C17orf113: variants seen among roughly 807,000 people sequenced by gnomAD.
C17orf113 encodes the protein chromosome 17 open reading frame 113.
A neutral mutation model predicts 11.6 loss-of-function variants in C17orf113; 5 were observed. The ratio of observed to expected loss-of-function variants is 0.43; its 90% CI spans 0.23 to 0.91. The LOEUF (loss-of-function observed/expected upper bound fraction) is 0.91, where lower values mean the gene tolerates loss of function less well. Ranked by LOEUF, C17orf113 falls within the 40% of genes least tolerant of loss-of-function variation. The pLI, the probability that C17orf113 is intolerant of heterozygous loss-of-function variation, is 0.26. For missense variants in C17orf113, 714 were observed against 841.3 expected (o/e 0.85, Z 1.87); for synonymous variants, 327 against 390.6 (o/e 0.84, Z 1.92).
rs1360854158 is a variant in C17orf113 at position 42,040,163 on chromosome 17, G to A, written c.1570C>T (p.Arg524Ter). 1.6e-6 allele frequency: 2 copies of A among 1,231,556 alleles called. No homozygotes were observed. The highest frequency in any genetic ancestry group is 1.5e-5 in the African/African-American group (1 of 64,536). The allele number at this position is 1,231,556 out of a possible 1,614,324, so 76.3% of individuals were successfully genotyped here. ...VAAFAAIFDP[R>*]RYPQAPEELG... ...TCCTCCGGCGCCTGCGGGTAGCGTC[G>A]GGGGTCGAAGATCGCTGCGAAGGCG... The change falls in exon 3 of 3, where the codon CGA (arginine) becomes TGA (stop). Residue 524 changes from arginine (R) to a stop codon, truncating the protein, a stop_gained. Transcript: ENST00000587304. LOFTEE classifies it low-confidence loss of function (END_TRUNC).
In C17orf113 at chr17:42,050,553, T is replaced by C. The variant is rs1555657017; in HGVS notation, c.-188+4A>G. 6.6e-6 allele frequency: 1 copy of C among 151,844 alleles called. No individual in the cohort carries two copies. The highest frequency in any genetic ancestry group is 2.4e-5 in the African/African-American group (1 of 41,330). The allele number at this position is 151,844 out of a possible 1,614,324, so 9.4% of individuals were successfully genotyped here. On this transcript the variant is annotated splice_donor_region_variant and intron_variant, in intron 1 of 2. Coordinates refer to ENST00000587304, the MANE Select transcript of C17orf113 (RefSeq NM_001358661.2). This position sits in a 1 kb window ranked among gnomAD's most constrained non-coding sequence, Gnocchi z 5.6. ...GCGCCCCCGCCCCGTCCGCTCGCAC[T>C]CACGGAGACACAGGAGCCACCATCT... is the stretch of plus-strand genomic sequence containing the variant.
chr17:42,042,325 T>C (rs782139753), intron 2 of C17orf113, among the ~76,000 whole-genome samples: 3 of 152,110 alleles, frequency 2.0e-5, no homozygotes, highest in Non-Finnish European at 4.4e-5. Context: ...AGTTCGAAAC[T>C]GGCCTGGCCA....
At position 42,040,846 on chromosome 17, in the gene C17orf113, T is replaced by C; in HGVS notation, c.887A>G (p.His296Arg). The C allele has an allele frequency of 8.1e-7, 1 of 1,232,294 alleles. No individual in the cohort carries two copies. Among genetic ancestry groups the C allele is most frequent in the Non-Finnish European group, 1.0e-6 (1 of 988,082 alleles). The allele number at this position is 1,232,294 out of a possible 1,614,324, so 76.3% of individuals were successfully genotyped here. A position where few individuals can be genotyped will look rare whatever the true frequency, so the allele number is the denominator to read the frequency against. The part of the protein sequence containing the change: ...RATCPLLAEL[H>R]CLPGRTDPEP... ...AGGATCTGTCCGGCCAGGGAGACAA[T>C]GCAGCTCTGCCAGCAGTGGGCAAGT... Residue 296 changes from histidine to arginine, a missense_variant, in exon 3 of 3, where the codon CAT becomes CGT. Coordinates refer to ENST00000587304, the MANE Select transcript of C17orf113 (RefSeq NM_001358661.2).
In C17orf113 at chr17:42,041,208, G is replaced by A. The variant is rs2053011833; in HGVS notation, c.544-19C>T. 2 of 1,232,582 alleles carry A rather than the reference G, an allele frequency of 1.6e-6. No homozygotes were observed. Among genetic ancestry groups the A allele is most frequent in the Non-Finnish European group, 2.0e-6 (2 of 988,248 alleles). 76.4% of individuals were successfully genotyped at this position (1,232,582 alleles called of 1,614,324 possible). On this transcript the variant is annotated intron_variant, in intron 2 of 2. Coordinates refer to ENST00000587304, the MANE Select transcript of C17orf113 (RefSeq NM_001358661.2). ...TGGCCACCTGGGACAGCCAGGGAAA[G>A]AAAGGGAGGGAGGACTGAGTTAGGC...
Position 42,038,404 on chromosome 17 carries a change from T to C in C17orf113, c.*1301A>G, listed in dbSNP as rs1555655705. 2.8e-5 allele frequency: 8 copies of C among 290,110 alleles called. No homozygotes were observed. The highest frequency in any genetic ancestry group is 3.2e-5 in the Non-Finnish European group (5 of 155,074). The allele number at this position is 290,110 out of a possible 1,614,324, so 18.0% of individuals were successfully genotyped here. On this transcript the variant is annotated 3_prime_UTR_variant, in exon 3 of 3. Transcript: ENST00000587304. ...GGGAAACCCATGGGCTCTGAAGGGA[T>C]GTGCTCCCCAGCTCTGATGAGGCCT... is the stretch of plus-strand genomic sequence containing the variant.
intron 1 of C17orf113, among the ~76,000 whole-genome samples, chr17:42,047,340 T>G (rs1374521313): frequency 6.6e-6 from 1 of 151,912 alleles, no homozygotes; most frequent in African/African-American, 2.4e-5. Context: ...CCCCGGCTAA[T>G]TTTTTTGAAT....
chr17:42,039,399 G>A lies in C17orf113; in HGVS notation c.*306C>T, dbSNP rs1049738314. The stretch of plus-strand genomic sequence containing the variant: ...CTTTGGGGGGACCCAAACTTGCCCC[G>A]AGTCCAGAAGGGAAAAGGGTGAGCT... On this transcript the variant is annotated 3_prime_UTR_variant, in exon 3 of 3. Coordinates refer to ENST00000587304, the MANE Select transcript of C17orf113 (RefSeq NM_001358661.2). The A allele has an allele frequency of 1.4e-4, 40 of 296,022 alleles. No individual in the cohort carries two copies. Among genetic ancestry groups the A allele is most frequent in the Admixed American group, 8.7e-4 (17 of 19,466 alleles). 18.3% of individuals were successfully genotyped at this position (296,022 alleles called of 1,614,324 possible).
chr17:42,041,223 C>T lies in C17orf113; in HGVS notation c.544-34G>A, dbSNP rs975030398. 29 of 1,232,198 alleles carry T rather than the reference C, an allele frequency of 2.4e-5. No homozygotes were observed. The African/African-American group carries it at 3.3e-4, about 14-fold the overall frequency. 76.3% of individuals were successfully genotyped at this position (1,232,198 alleles called of 1,614,324 possible). On this transcript the variant is annotated intron_variant, in intron 2 of 2. Transcript: ENST00000587304. ...GCCAGGGAAAGAAAGGGAGGGAGGA[C>T]TGAGTTAGGCTTGTCCTGAGAGGCG...
At position 42,039,377 on chromosome 17, in the gene C17orf113, T is replaced by TG; in HGVS notation, c.*327dup. On this transcript the variant is annotated 3_prime_UTR_variant, in exon 3 of 3. Transcript: ENST00000587304. ...TCCCCAAGCCAAAAACTCCCATCTTTGGGGGGACCCAAACTTGCCCCGAGT... is the reference window on the plus strand; with the variant it reads ...TCCCCAAGCCAAAAACTCCCATCTTTGGGGGGGACCCAAACTTGCCCCGAGT... 1 of 269,036 alleles carries TG rather than the reference T, an allele frequency of 3.7e-6. No individual in the cohort carries two copies. The highest frequency in any genetic ancestry group is 2.2e-5 in the African/African-American group (1 of 45,692). The allele number at this position is 269,036 out of a possible 1,614,324, so 16.7% of individuals were successfully genotyped here. A position where few individuals can be genotyped will look rare whatever the true frequency, so the allele number is the denominator to read the frequency against.
chr17:42,045,820 T>C (rs2053148287), intron 1 of C17orf113, among the ~76,000 whole-genome samples: 1 of 152,200 alleles, frequency 6.6e-6, no homozygotes, highest in South Asian at 2.1e-4. Flanking sequence ...TTTCCACCTC[T>C]TTACTGATAT....
intron 2 of C17orf113, among the ~76,000 whole-genome samples, chr17:42,041,645 C>T (rs530517760): frequency 3.3e-5 from 5 of 152,236 alleles, no homozygotes; most frequent in South Asian, 2.1e-4. Context: ...TGGGGGTCTC[C>T]CTCCACTGTC....
chr17:42,044,461 A>C (rs1246967861), intron 1 of C17orf113, among the ~76,000 whole-genome samples: 1 of 151,980 alleles, frequency 6.6e-6, no homozygotes, highest in African/African-American at 2.4e-5. Flanking sequence ...TACTAAAGGT[A>C]ACAAAATTAG....
chr17:42,042,896 G>C lies in C17orf113; in HGVS notation c.481C>G (p.Gln161Glu). 8.1e-7 allele frequency: 1 copy of C among 1,232,352 alleles called. No homozygotes were observed. The highest frequency in any genetic ancestry group is 1.0e-6 in the Non-Finnish European group (1 of 988,138). The allele number at this position is 1,232,352 out of a possible 1,614,324, so 76.3% of individuals were successfully genotyped here. ...CCATGCTCTGTGCCCAGCAGTGCCT[G>C]GCACAGGTTGAACCTCTGCAGCTCG... Reference protein sequence around the residue: ...LLELQRFNLCQALLGTEHGDY... With the variant: ...LLELQRFNLCEALLGTEHGDY... Residue 161 changes from glutamine to glutamate, a missense_variant, in exon 2 of 3, where the codon CAG becomes GAG. Coordinates refer to ENST00000587304, the MANE Select transcript of C17orf113 (RefSeq NM_001358661.2).
rs535011363 is a variant in C17orf113, at chr17:42,040,998, G to A, written c.735C>T (p.Gly245=). 5.7e-6 allele frequency: 7 copies of A among 1,232,168 alleles called. No homozygotes were observed. In the South Asian group the frequency reaches 2.5e-4, roughly 43 times the overall value. 76.3% of individuals were successfully genotyped at this position (1,232,168 alleles called of 1,614,324 possible). ...TFLGSVELQE[G]EATAGQLLDI... is the part of the protein sequence containing the mutation. The stretch of plus-strand genomic sequence containing the variant: ...CCAAGAGCTGGCCAGCAGTGGCCTC[G>A]CCCTCCTGTAGCTCCACACTGCCCA... The change falls in exon 3 of 3, where the codon GGC becomes GGT. Residue 245 remains glycine, a synonymous_variant. Coordinates refer to ENST00000587304, the MANE Select transcript of C17orf113 (RefSeq NM_001358661.2).
In C17orf113 at chr17:42,041,076, G is replaced by T; in HGVS notation, c.657C>A (p.Ala219=). The change falls in exon 3 of 3, where the codon GCC becomes GCA. Residue 219 remains alanine (A), a synonymous_variant. Coordinates refer to ENST00000587304, the MANE Select transcript of C17orf113 (RefSeq NM_001358661.2). ...TRDWPESHSL[A]LFATSVSPCD... ...AGGGGGACACTGAAGTGGCAAACAG[G>T]GCCAGGCTGTGTGACTCCGGCCAGT... The T allele has an allele frequency of 8.1e-7, 1 of 1,232,390 alleles. No homozygotes were observed. The highest frequency in any genetic ancestry group is 1.0e-6 in the Non-Finnish European group (1 of 988,116). The allele number at this position is 1,232,390 out of a possible 1,614,324, so 76.3% of individuals were successfully genotyped here. A position where few individuals can be genotyped will look rare whatever the true frequency, so the allele number is the denominator to read the frequency against.
Position 42,038,355 on chromosome 17 carries a change from T to G in C17orf113, c.*1350A>C. On this transcript the variant is annotated 3_prime_UTR_variant, in exon 3 of 3. Transcript: ENST00000587304. ...CTCCCTCCAGATCCCCAGGATTTCATGGCCAGGGCTGACAGGAGGGAATGG... is the reference window on the plus strand; with the variant it reads ...CTCCCTCCAGATCCCCAGGATTTCAGGGCCAGGGCTGACAGGAGGGAATGG... 2.7e-6 allele frequency: 1 copy of G among 372,700 alleles called. No homozygotes were observed. Among genetic ancestry groups the G allele is most frequent in the Non-Finnish European group, 4.8e-6 (1 of 206,698 alleles). 23.1% of individuals were successfully genotyped at this position (372,700 alleles called of 1,614,324 possible).
chr17:42,040,741 A>G lies in C17orf113; in HGVS notation c.992T>C (p.Leu331Ser). The change falls in exon 3 of 3, where the codon TTG becomes TCG. Residue 331 changes from leucine to serine, a missense_variant. Coordinates refer to ENST00000587304, the MANE Select transcript of C17orf113 (RefSeq NM_001358661.2). The stretch of plus-strand genomic sequence containing the variant: ...CAGTGCTGCCCGGAGCTCAGGGACC[A>G]AGTGGGAACTAGGGCCACCATGGAG... The part of the protein sequence containing the change: ...FRLHGGPSSH[L>S]VPELRAALDL... The G allele has an allele frequency of 8.1e-7, 1 of 1,232,378 alleles. No homozygotes were observed. The highest frequency in any genetic ancestry group is 1.0e-6 in the Non-Finnish European group (1 of 988,120). 76.3% of individuals were successfully genotyped at this position (1,232,378 alleles called of 1,614,324 possible).
At chr17:42,044,052 A>C (rs935023848) in intron 1 of C17orf113, among the ~76,000 whole-genome samples, 14 of 146,894 alleles carry the variant, frequency 9.5e-5, no homozygotes, top group Non-Finnish European at 1.6e-4. Flanking sequence ...ATGGTGGCTC[A>C]CTCCTATAAT....
rs527448816 is a variant in C17orf113, at chr17:42,039,425, ACTC to A, written c.*277_*279del. The A allele has an allele frequency of 6.1e-5, 20 of 327,232 alleles. No homozygotes were observed. Among genetic ancestry groups the A allele is most frequent in the African/African-American group, 3.6e-4 (17 of 47,078 alleles). The allele number at this position is 327,232 out of a possible 1,614,324, so 20.3% of individuals were successfully genotyped here. On this transcript the variant is annotated 3_prime_UTR_variant, in exon 3 of 3. Coordinates refer to ENST00000587304, the MANE Select transcript of C17orf113 (RefSeq NM_001358661.2). ...AGTCCAGAAGGGAAAAGGGTGAGCT[ACTC>A]CTCATCTAACTGTGTAAAGGCCAGG...
Sources: gnomAD v4.1 joint callset for allele counts (sites outside exome capture counted in the v4.1 genomes callset) on GRCh38, gnomAD v4.1.1 for gene constraint, Gnocchi (gnomAD v3.1) non-coding constraint, MANE v1.5 for transcripts, NCBI Gene and HGNC (gene_info 2026-07-23, HGNC 2026-07-21) for gene names.